PRP4K: variants seen among roughly 807,000 people sequenced by gnomAD.
PRP4K encodes the protein serine/threonine-protein kinase PRP4 homolog.
At chr6:4,044,850 T>A in the PRP4K span, among the ~76,000 whole-genome samples, 1 of 111,238 alleles carries the variant, frequency 9.0e-6, no homozygotes, top group Non-Finnish European at 1.9e-5. Flanking sequence ...ATATGGTTAT[T>A]ATTATTATTA....
At chr6:4,056,291 A>G in the PRP4K span, 79 of 1,508,508 alleles carry the variant, frequency 5.2e-5, no homozygotes, top group Middle Eastern at 8.6e-4. Flanking sequence ...CCTGGCTTGA[A>G]TTAAATTCCC....
the PRP4K span, among the ~76,000 whole-genome samples, chr6:4,060,107 T>TA: frequency 6.6e-6 from 1 of 152,218 alleles, no homozygotes; most frequent in Non-Finnish European, 1.5e-5. The surrounding 1 kb of genome is among the most constrained non-coding windows in gnomAD (Gnocchi z 4.7). Context: ...GGGTAAGTAG[T>TA]ATGGCCTTTT....
the PRP4K span, chr6:4,049,147 C>T: frequency 9.9e-6 from 15 of 1,509,368 alleles, no homozygotes; most frequent in Non-Finnish European, 1.4e-5. Context: ...TTCATTGTAA[C>T]ACCATGCAAA....
the PRP4K span, among the ~76,000 whole-genome samples, chr6:4,048,236 G>A: frequency 9.2e-4 from 140 of 152,072 alleles, no homozygotes; most frequent in East Asian, 0.018. Flanking sequence ...AAAATAAGCC[G>A]GACGTGGTGG....
chr6:4,060,342 A>G, the PRP4K span: 5 of 1,403,336 alleles, frequency 3.6e-6, no homozygotes, highest in Non-Finnish European at 4.9e-6. This position sits in a 1 kb window ranked among gnomAD's most constrained non-coding sequence, Gnocchi z 4.7. Flanking sequence ...ATAGACCCCA[A>G]AACAATCTGA....
the PRP4K span, among the ~76,000 whole-genome samples, chr6:4,041,099 G>GT: frequency 6.6e-6 from 1 of 152,182 alleles, no homozygotes; most frequent in Non-Finnish European, 1.5e-5. Flanking sequence ...CACAGAGTTA[G>GT]TAAGCGGTTT....
the PRP4K span, among the ~76,000 whole-genome samples, chr6:4,059,475 C>T: frequency 6.6e-6 from 1 of 152,124 alleles, no homozygotes; most frequent in Non-Finnish European, 1.5e-5. Context: ...TATTTTTGTC[C>T]CATTATTATA....
chr6:4,057,408 G>A, the PRP4K span, among the ~76,000 whole-genome samples: 1 of 152,224 alleles, frequency 6.6e-6, no homozygotes, highest in Non-Finnish European at 1.5e-5. Context: ...ATGATGGACA[G>A]AGAGCAGCAA....
At chr6:4,059,640 C>CTT in the PRP4K span, among the ~76,000 whole-genome samples, 6 of 150,910 alleles carry the variant, frequency 4.0e-5, no homozygotes, top group Non-Finnish European at 3.0e-5. Flanking sequence ...TTGGAGTTGA[C>CTT]TTTTTTTTTC....
At chr6:4,053,571 C>T in the PRP4K span, among the ~76,000 whole-genome samples, 1 of 151,958 alleles carries the variant, frequency 6.6e-6, no homozygotes, top group East Asian at 1.9e-4. Flanking sequence ...GCAGATTTCA[C>T]AATGTATATG....
At chr6:4,042,364 A>T in the PRP4K span, 1 of 682,552 alleles carries the variant, frequency 1.5e-6, no homozygotes, top group East Asian at 3.2e-5. Flanking sequence ...TGGAAACAAA[A>T]GTAATAGGAC....
chr6:4,043,690 A>G, the PRP4K span: 3 of 878,080 alleles, frequency 3.4e-6, no homozygotes, highest in Non-Finnish European at 5.3e-6. Context: ...AATAAATACC[A>G]TTTGGTTTGT....
the PRP4K span, among the ~76,000 whole-genome samples, chr6:4,023,458 A>T: frequency 6.6e-6 from 1 of 152,254 alleles, no homozygotes; most frequent in African/African-American, 2.4e-5. Context: ...CTGGTTCTAA[A>T]GCCCTGCTGC....
the PRP4K span, among the ~76,000 whole-genome samples, chr6:4,042,103 G>A: frequency 1.3e-5 from 2 of 152,276 alleles, no homozygotes; most frequent in South Asian, 2.1e-4. Context: ...GCTTTCAGGC[G>A]GTTCTGACAT....
the PRP4K span, among the ~76,000 whole-genome samples, chr6:4,035,976 A>G: frequency 6.6e-6 from 1 of 150,546 alleles, no homozygotes; most frequent in Non-Finnish European, 1.5e-5. Context: ...AAAAAATAAT[A>G]ATAATAATAA....
the PRP4K span, among the ~76,000 whole-genome samples, chr6:4,022,715 C>T: frequency 1.3e-5 from 2 of 152,178 alleles, no homozygotes; most frequent in Non-Finnish European, 2.9e-5. Context: ...TACAATTTGA[C>T]TTAGCAGAGA....
the PRP4K span, chr6:4,032,863 T>C: frequency 2.5e-6 from 3 of 1,218,750 alleles, no homozygotes; most frequent in Non-Finnish European, 1.1e-6. Flanking sequence ...AAAATAAAAA[T>C]AAATGAAGTA....
At chr6:4,053,370 G>A in the PRP4K span, among the ~76,000 whole-genome samples, 8 of 151,978 alleles carry the variant, frequency 5.3e-5, no homozygotes, top group Non-Finnish European at 7.4e-5. Flanking sequence ...AAGTTCAGGG[G>A]TACATGTGCA....
the PRP4K span, among the ~76,000 whole-genome samples, chr6:4,041,648 TA>T: frequency 2.0e-5 from 3 of 149,802 alleles, no homozygotes; most frequent in Non-Finnish European, 3.0e-5. Flanking sequence ...AACAGGAGGT[TA>T]TTAGCCTCCC....
Sources: allele counts gnomAD v4.1 joint callset (sites outside exome capture counted in the v4.1 genomes callset), GRCh38; gene constraint gnomAD v4.1.1; non-coding constraint Gnocchi (gnomAD v3.1); transcripts MANE v1.5; gene names NCBI Gene and HGNC (gene_info 2026-07-23, HGNC 2026-07-21).